APOBEC3D: variants seen among roughly 807,000 people sequenced by gnomAD.
APOBEC3D encodes the protein DNA dC->dU-editing enzyme APOBEC-3D.
APOBEC3D carries 37 observed loss-of-function variants against 45.6 expected under a neutral mutation model. That is an observed-to-expected ratio of 0.81 (90% CI 0.62 to 1.07). The LOEUF is 1.07. Ranked by LOEUF, APOBEC3D falls within the 50% of genes least tolerant of loss-of-function variation. The pLI is 0.00. For missense variants in APOBEC3D, 496 were observed against 495.3 expected (o/e 1.00, Z -0.01); for synonymous variants, 175 against 180.7 (o/e 0.97, Z 0.25).
At chr22:39,022,686 G>C (rs1408613721) in intron 1 of APOBEC3D, 136 bp from the exon 2 acceptor site, 3 of 1,177,998 alleles carry the variant, frequency 2.5e-6, no homozygotes, top group Non-Finnish European at 3.5e-6. Flanking sequence ...TGCCTGGGAA[G>C]GCAGCAGAAA....
chr22:39,025,454 G>A (rs752289272), intron 3 of APOBEC3D, 103 bp from the exon 4 acceptor site: 22 of 1,613,718 alleles, frequency 1.4e-5, no homozygotes, highest in Non-Finnish European at 1.6e-5. Flanking sequence ...GCCTGCAGGG[G>A]TGGGGCTGGC....
intron 4 of APOBEC3D, among the ~76,000 whole-genome samples, chr22:39,028,057 AAT>A (rs890618238): frequency 6.6e-6 from 1 of 152,124 alleles, no homozygotes; most frequent in African/African-American, 2.4e-5. Flanking sequence ...ACTTTGTTTC[AAT>A]ACAAAGTCTT....
intron 2 of APOBEC3D, among the ~76,000 whole-genome samples, chr22:39,023,350 A>G (rs555629444): frequency 6.6e-6 from 1 of 151,878 alleles, no homozygotes. Flanking sequence ...TCCTGATCTC[A>G]GGTGATTCAC....
chr22:39,029,280 T>C (rs1185875154), intron 4 of APOBEC3D, 83 bp from the exon 5 acceptor site: 3 of 1,507,482 alleles, frequency 2.0e-6, no homozygotes, highest in African/African-American at 1.4e-5. Context: ...AGGCCCAGAC[T>C]CCAGGGACGT....
At chr22:39,029,253 C>A in intron 4 of APOBEC3D, 110 bp from the exon 5 acceptor site, 1 of 1,238,862 alleles carries the variant, frequency 8.1e-7, no homozygotes, top group Non-Finnish European at 1.2e-6. Context: ...ATTCCCAGGG[C>A]TGTGGAGGGA....
Position 39,029,490 on chromosome 22 carries a change from T to G in APOBEC3D, c.733T>G (p.Phe245Val), listed in dbSNP as rs770481293. The G allele has an allele frequency of 1.9e-6, 3 of 1,614,068 alleles. No individual in the cohort carries two copies. In the African/African-American group the frequency reaches 4.0e-5, roughly 22 times the overall value. ...AGTTACAAAGCACCACTCAGCTGTC[T>G]TCCGGAAGAGGGGCGTCTTCCGAAA... The part of the protein sequence containing the change: ...MEVTKHHSAV[F>V]RKRGVFRNQV... Residue 245 changes from phenylalanine to valine, a missense_variant, in exon 5 of 7, where the codon TTC (phenylalanine) becomes GTC (valine). Phe to Val is a conservative substitution (Grantham distance 50). Coordinates refer to ENST00000216099, the MANE Select transcript of APOBEC3D (RefSeq NM_152426.4).
intron 5 of APOBEC3D, among the ~76,000 whole-genome samples, chr22:39,031,275 G>C (rs1926188806): frequency 6.6e-6 from 1 of 152,092 alleles, no homozygotes; most frequent in South Asian, 2.1e-4. Flanking sequence ...GAAAAGTAAA[G>C]AAATAAAATA....
rs2146316922 is a variant in APOBEC3D at position 39,022,941 on chromosome 22, C to T, written c.137C>T (p.Ser46Leu). Residue 46 changes from serine to leucine, a missense_variant, in exon 2 of 7, where the codon TCA becomes TTA. Physicochemically the swap from Ser to Leu is moderately radical, Grantham distance 145. Transcript: ENST00000216099. The part of the protein sequence containing the change: ...CYEVKIKRGR[S>L]NLLWDTGVFR... ...GAAGTGAAAATAAAGAGGGGCCGCTCAAATCTCCTTTGGGACACAGGGGTC... is the reference window on the plus strand; with the variant it reads ...GAAGTGAAAATAAAGAGGGGCCGCTTAAATCTCCTTTGGGACACAGGGGTC... The T allele has an allele frequency of 6.2e-7, 1 of 1,613,900 alleles. No homozygotes were observed. The highest frequency in any genetic ancestry group is 1.1e-5 in the South Asian group (1 of 91,058).
Position 39,025,197 on chromosome 22 carries a change from T to G in APOBEC3D, c.338T>G (p.Val113Gly), listed in dbSNP as rs1435702756. 1.9e-6 allele frequency: 3 copies of G among 1,613,568 alleles called. No homozygotes were observed. Among genetic ancestry groups the G allele is most frequent in the Non-Finnish European group, 2.5e-6 (3 of 1,179,810 alleles). The change falls in exon 3 of 7, where the codon GTG becomes GGG. Residue 113 changes from valine to glycine, a missense_variant. Coordinates refer to ENST00000216099, the MANE Select transcript of APOBEC3D (RefSeq NM_152426.4). ...FVSWNPCLPCVVKVTKFLAEH... is the reference protein window; with the variant it reads ...FVSWNPCLPCGVKVTKFLAEH... ...TCATGGAACCCCTGCCTGCCCTGTG[T>G]GGTGAAGGTGACCAAATTCTTGGCT...
chr22:39,029,333 T>C, intron 4 of APOBEC3D, 30 bp from the exon 5 acceptor site: 2 of 1,612,972 alleles, frequency 1.2e-6, no homozygotes, highest in Non-Finnish European at 1.7e-6. Context: ...GAGGAATCTC[T>C]GCACTGGGGT....
chr22:39,025,588 C>T lies in APOBEC3D; in HGVS notation c.522C>T (p.Cys174=). The T allele has an allele frequency of 6.2e-7, 1 of 1,614,108 alleles. No individual in the cohort carries two copies. The change falls in exon 4 of 7, where the codon TGC becomes TGT. Residue 174 remains cysteine, a synonymous_variant. Coordinates refer to ENST00000216099, the MANE Select transcript of APOBEC3D (RefSeq NM_152426.4). The part of the protein sequence containing the change: ...DFAYCWENFV[C]NEGQPFMPWY... The stretch of plus-strand genomic sequence containing the variant: ...CATACTGCTGGGAAAACTTTGTGTG[C>T]AATGAAGGTCAGCCATTCATGCCTT...
chr22:39,026,137 C>G (rs780519700), intron 4 of APOBEC3D, among the ~76,000 whole-genome samples: 1 of 152,198 alleles, frequency 6.6e-6, no homozygotes, highest in Non-Finnish European at 1.5e-5. Context: ...AAGATGCCCC[C>G]GGGCCGGGTG....
At chr22:39,025,786 A>G in intron 4 of APOBEC3D, 115 bp downstream of exon 4, 14 of 1,561,848 alleles carry the variant, frequency 9.0e-6, no homozygotes, top group Non-Finnish European at 1.1e-5. Flanking sequence ...GCCTGCCCTC[A>G]TGGTTACACC....
intron 4 of APOBEC3D, among the ~76,000 whole-genome samples, chr22:39,028,719 A>G (rs1925920191): frequency 6.6e-6 from 1 of 152,200 alleles, no homozygotes; most frequent in Non-Finnish European, 1.5e-5. Flanking sequence ...GTGGATCACA[A>G]GGTCAGGAGT....
At position 39,021,517 on chromosome 22, in the gene APOBEC3D, A is replaced by G. The variant is rs1925101278; in HGVS notation, c.-3A>G. On this transcript the variant is annotated 5_prime_UTR_variant, in exon 1 of 7. Coordinates refer to ENST00000216099, the MANE Select transcript of APOBEC3D (RefSeq NM_152426.4). ...TGGGACAAGCGTATCTAAGAGGCTG[A>G]ACATGAATCCACAGATCAGGTACCG... The G allele has an allele frequency of 6.2e-7, 1 of 1,614,074 alleles. No individual in the cohort carries two copies. The highest frequency in any genetic ancestry group is 1.7e-5 in the Admixed American group (1 of 60,006).
Position 39,032,467 on chromosome 22 carries a change from C to T in APOBEC3D, c.*151C>T. ...CATTCCATAGTGCCCCCCTGCCTCA[C>T]CACCTCCTCCCCGCTCTCCCAGGCT... On this transcript the variant is annotated 3_prime_UTR_variant, in exon 7 of 7. Coordinates refer to ENST00000216099, the MANE Select transcript of APOBEC3D (RefSeq NM_152426.4). The T allele has an allele frequency of 6.8e-7, 1 of 1,462,452 alleles. No homozygotes were observed. The highest frequency in any genetic ancestry group is 1.4e-5 in the South Asian group (1 of 69,530). 90.6% of individuals were successfully genotyped at this position (1,462,452 alleles called of 1,614,324 possible). A position where few individuals can be genotyped will look rare whatever the true frequency, so the allele number is the denominator to read the frequency against.
chr22:39,032,499 G>T lies in APOBEC3D; in HGVS notation c.*183G>T. ...CTCCCCGCTCTCCCAGGCTCTTCTTGTAGAGGCTCTCCATCCACCTCCCCA... is the reference window on the plus strand; with the variant it reads ...CTCCCCGCTCTCCCAGGCTCTTCTTTTAGAGGCTCTCCATCCACCTCCCCA... On this transcript the variant is annotated 3_prime_UTR_variant, in exon 7 of 7. Coordinates refer to ENST00000216099, the MANE Select transcript of APOBEC3D (RefSeq NM_152426.4). 1 of 1,382,258 alleles carries T rather than the reference G, an allele frequency of 7.2e-7. No homozygotes were observed. The allele number at this position is 1,382,258 out of a possible 1,614,324, so 85.6% of individuals were successfully genotyped here.
intron 5 of APOBEC3D, 44 bp downstream of exon 5, chr22:39,029,563 G>T (rs1926002363): frequency 4.4e-6 from 7 of 1,608,532 alleles, no homozygotes; most frequent in Admixed American, 1.7e-5. Context: ...GAGCTAAGCA[G>T]CTGGGAACGC....
chr22:39,029,510 C>G lies in APOBEC3D; in HGVS notation c.753C>G (p.Phe251Leu), dbSNP rs2146325530. The G allele has an allele frequency of 1.2e-6, 2 of 1,614,182 alleles. No individual in the cohort carries two copies. Among genetic ancestry groups the G allele is most frequent in the Non-Finnish European group, 1.7e-6 (2 of 1,180,022 alleles). ...CTGTCTTCCGGAAGAGGGGCGTCTT[C>G]CGAAACCAGGTAGCACCAAAGTCCT... is the stretch of plus-strand genomic sequence containing the variant. ...HSAVFRKRGVFRNQVDPETHC... is the reference protein window; with the variant it reads ...HSAVFRKRGVLRNQVDPETHC... Residue 251 changes from phenylalanine to leucine, a missense_variant, in exon 5 of 7, where the codon TTC becomes TTG. Coordinates refer to ENST00000216099, the MANE Select transcript of APOBEC3D (RefSeq NM_152426.4).
Sources: gnomAD v4.1 joint callset for allele counts (sites outside exome capture counted in the v4.1 genomes callset) on GRCh38, gnomAD v4.1.1 for gene constraint, MANE v1.5 for transcripts, NCBI Gene and HGNC (gene_info 2026-07-23, HGNC 2026-07-21) for gene names.